PPP3R1: variants seen among roughly 807,000 people sequenced by gnomAD.
PPP3R1 encodes the protein protein phosphatase 3 regulatory subunit B, alpha, also known as calcineurin subunit B type 1.
PPP3R1 carries 5 observed loss-of-function variants against 22.6 expected under a neutral mutation model. The ratio of observed to expected loss-of-function variants is 0.22; its 90% CI spans 0.12 to 0.46. The LOEUF (loss-of-function observed/expected upper bound fraction) is 0.46, where lower values mean the gene tolerates loss of function less well. Among genes scored for constraint, PPP3R1 ranks in the 20% least tolerant of loss-of-function variants. The pLI is 0.99. For synonymous variants in PPP3R1, 56 were observed against 65.2 expected (o/e 0.86, Z 0.68); for missense variants, 61 against 203.2 (o/e 0.30, Z 4.25).
chr2:68,224,977 C>A (rs1426343362), intron 1 of PPP3R1, among the ~76,000 whole-genome samples: 2 of 152,014 alleles, frequency 1.3e-5, no homozygotes, highest in African/African-American at 4.8e-5. Flanking sequence ...CAAGTTAAAA[C>A]CAAAGTGAGA....
At chr2:68,193,100 G>A (rs1674699331) in intron 2 of PPP3R1, among the ~76,000 whole-genome samples, 1 of 152,138 alleles carries the variant, frequency 6.6e-6, no homozygotes, top group South Asian at 2.1e-4. Context: ...AATATCTTGT[G>A]AAACATTATA....
chr2:68,220,081 T>G (rs1285210303), intron 1 of PPP3R1, among the ~76,000 whole-genome samples: 1 of 152,234 alleles, frequency 6.6e-6, no homozygotes, highest in Non-Finnish European at 1.5e-5. Context: ...AGGCATTTTC[T>G]GTGATCATCT....
At chr2:68,188,966 G>A (rs757747097) in intron 2 of PPP3R1, among the ~76,000 whole-genome samples, 5 of 152,120 alleles carry the variant, frequency 3.3e-5, no homozygotes, top group Non-Finnish European at 7.4e-5. Context: ...TGTATGCTGA[G>A]TCTCAAGATA....
rs1170783779 is a variant in PPP3R1, at chr2:68,207,021, G to A, written c.43+10071C>T. ...AAGTATAAATAGTGAAGTGTGTCAA[G>A]GACTGATTTCAACAATCTTATAATA... On this transcript the variant is annotated intron_variant, in intron 2 of 5. Coordinates refer to ENST00000234310, the MANE Select transcript of PPP3R1 (RefSeq NM_000945.4). Among the ~76,000 whole-genome samples the A allele has an allele frequency of 4.6e-5, 7 of 151,298 alleles. No individual in the cohort carries two copies. The East Asian group carries it at 1.4e-3, about 29-fold the overall frequency.
chr2:68,205,623 T>A (rs1007612672), intron 2 of PPP3R1, among the ~76,000 whole-genome samples: 2 of 152,272 alleles, frequency 1.3e-5, no homozygotes, highest in Middle Eastern at 6.8e-3. Flanking sequence ...TATCAAATAA[T>A]CAGTGTTCAA....
chr2:68,185,809 GCA>G (rs1263840141), intron 5 of PPP3R1, among the ~76,000 whole-genome samples: 4 of 152,106 alleles, frequency 2.6e-5, no homozygotes, highest in African/African-American at 9.7e-5. Context: ...AAAAAAAGAC[GCA>G]GTCTATTCTT....
At chr2:68,216,546 C>T (rs902679914) in intron 2 of PPP3R1, among the ~76,000 whole-genome samples, 1 of 152,090 alleles carries the variant, frequency 6.6e-6, no homozygotes, top group Non-Finnish European at 1.5e-5. Context: ...ATACGGAAAG[C>T]TGTACTTTCA....
chr2:68,197,471 T>TTTATATTACA (rs540847300), intron 2 of PPP3R1, among the ~76,000 whole-genome samples: 3,434 of 152,272 alleles, frequency 0.023, 86 homozygotes, highest in Non-Finnish European at 0.038. Flanking sequence ...TAAATATTAA[T>TTTATATTACA]GTGTATTTCT....
chr2:68,230,046 G>A (rs780511636), intron 1 of PPP3R1, among the ~76,000 whole-genome samples: 52 of 150,688 alleles, frequency 3.5e-4, no homozygotes, highest in Non-Finnish European at 5.2e-4. Context: ...ACTCTGGAGC[G>A]TAGCGGCACA....
chr2:68,223,821 AC>A (rs1273244284), intron 1 of PPP3R1, among the ~76,000 whole-genome samples: 10 of 151,888 alleles, frequency 6.6e-5, no homozygotes, highest in East Asian at 3.9e-4. Context: ...AAAAAAAAAA[AC>A]AAAAGGTATA....
chr2:68,252,061 C>G, intron 1 of PPP3R1, 64 bp downstream of exon 1: 1 of 1,361,204 alleles, frequency 7.3e-7, no homozygotes, highest in South Asian at 1.5e-5. Flanking sequence ...GGCTCGCCCC[C>G]GCACCCGACC....
At chr2:68,206,965 G>C (rs1234011788) in intron 2 of PPP3R1, among the ~76,000 whole-genome samples, 1 of 152,156 alleles carries the variant, frequency 6.6e-6, no homozygotes, top group African/African-American at 2.4e-5. Context: ...GAAGGGATGA[G>C]AAGGCATGAC....
chr2:68,244,067 T>C (rs1157159789), intron 1 of PPP3R1, among the ~76,000 whole-genome samples: 1 of 152,146 alleles, frequency 6.6e-6, no homozygotes, highest in Non-Finnish European at 1.5e-5. Flanking sequence ...GTAGTGTCTT[T>C]AGAACTTTAG....
intron 1 of PPP3R1, among the ~76,000 whole-genome samples, chr2:68,224,666 A>G (rs1413387157): frequency 2.4e-5 from 3 of 126,142 alleles, no homozygotes; most frequent in African/African-American, 4.1e-5. Flanking sequence ...TCGTCTCAGG[A>G]AAAAAAAAAA....
At chr2:68,216,997 T>G (rs902041620) in intron 2 of PPP3R1, 95 bp downstream of exon 2, 222 of 899,118 alleles carry the variant, frequency 2.5e-4, no homozygotes, top group Non-Finnish European at 2.1e-4. Flanking sequence ...TAAATATACA[T>G]TACAGAGGTA....
chr2:68,206,974 A>AG (rs1305998678), intron 2 of PPP3R1, among the ~76,000 whole-genome samples: 2 of 152,182 alleles, frequency 1.3e-5, no homozygotes, highest in Non-Finnish European at 2.9e-5. Context: ...AGAAGGCATG[A>AG]CAGGAATTAA....
intron 1 of PPP3R1, among the ~76,000 whole-genome samples, chr2:68,236,200 TTTCA>T (rs1670016643): frequency 6.6e-6 from 1 of 152,208 alleles, no homozygotes; most frequent in Admixed American, 6.5e-5. Flanking sequence ...CTTTTTTTTC[TTTCA>T]TTGCTTGTGG....
intron 1 of PPP3R1, among the ~76,000 whole-genome samples, chr2:68,220,608 C>A (rs761061978): frequency 3.2e-4 from 49 of 152,148 alleles, no homozygotes; most frequent in Non-Finnish European, 5.1e-4. Context: ...GATGGCAAAA[C>A]AAACTCTTAC....
chr2:68,247,045 T>A (rs929968700), intron 1 of PPP3R1, among the ~76,000 whole-genome samples: 9 of 147,198 alleles, frequency 6.1e-5, no homozygotes, highest in African/African-American at 1.8e-4. Context: ...AACCTCCACC[T>A]CCCAAGCTCA....
Sources: allele counts gnomAD v4.1 joint callset (sites outside exome capture counted in the v4.1 genomes callset), GRCh38; gene constraint gnomAD v4.1.1; transcripts MANE v1.5; gene names NCBI Gene and HGNC (gene_info 2026-07-23, HGNC 2026-07-21).